MORC1: variants seen among roughly 807,000 people sequenced by gnomAD.
MORC1 encodes MORC family CW-type zinc finger 1, also known as MORC family CW-type zinc finger protein 1.
MORC1 carries 59 observed loss-of-function variants against 134.9 expected under a neutral mutation model. The ratio of observed to expected loss-of-function variants is 0.44; its 90% CI spans 0.35 to 0.54. MORC1 has a LOEUF of 0.54. Among genes scored for constraint, MORC1 ranks in the 20% least tolerant of loss-of-function variants. The probability of loss-of-function intolerance (pLI) is 0.00; values close to 1 mark genes in which losing one functional copy is unlikely to be tolerated. For synonymous variants in MORC1, 395 were observed against 391.7 expected, an observed-to-expected ratio of 1.01 and a Z score of -0.10; for missense variants, 947 against 1,134.5, an observed-to-expected ratio of 0.83 and a Z score of 2.37.
At chr3:109,054,998 T>C (rs1949923673) in intron 13 of MORC1, 116 bp from the exon 14 acceptor site, 4 of 939,472 alleles carry the variant, frequency 4.3e-6, no homozygotes, top group Non-Finnish European at 6.3e-6. Context: ...TCTGTTGATC[T>C]GGACCATGTC....
Position 109,032,610 on chromosome 3 carries a change from C to T in MORC1, c.1565+110G>A, listed in dbSNP as rs886683406. The T allele has an allele frequency of 5.6e-6, 4 of 718,456 alleles. No individual in the cohort carries two copies. In the East Asian group the frequency reaches 1.1e-4, roughly 20 times the overall value. The allele number at this position is 718,456 out of a possible 1,614,324, so 44.5% of individuals were successfully genotyped here. On this transcript the variant is annotated intron_variant, in intron 16 of 27. Coordinates refer to ENST00000232603, the MANE Select transcript of MORC1 (RefSeq NM_014429.4). ...GCATTAGAAAGAGTTTGAAGAGATACCAGATACTAAGCTAAAATCTATATT... is the reference window on the plus strand; with the variant it reads ...GCATTAGAAAGAGTTTGAAGAGATATCAGATACTAAGCTAAAATCTATATT...
At chr3:109,105,846 C>T (rs1334424604) in intron 3 of MORC1, among the ~76,000 whole-genome samples, 3 of 152,172 alleles carry the variant, frequency 2.0e-5, no homozygotes, top group African/African-American at 4.8e-5. Context: ...ACTTCTTTGT[C>T]TGTAAACTTT....
At chr3:109,046,833 TTTC>T (rs1175206973) in intron 14 of MORC1, among the ~76,000 whole-genome samples, 1 of 152,194 alleles carries the variant, frequency 6.6e-6, no homozygotes, top group Non-Finnish European at 1.5e-5. Flanking sequence ...GCTACCTATT[TTTC>T]TTGTTTTTGT....
intron 24 of MORC1, among the ~76,000 whole-genome samples, chr3:108,973,391 C>G (rs973807068): frequency 1.1e-4 from 16 of 152,120 alleles, no homozygotes; most frequent in Non-Finnish European, 2.2e-4. Context: ...GGTTCTAACT[C>G]ATATTTCAGT....
chr3:108,963,377 T>A, intron 27 of MORC1, 37 bp downstream of exon 27: 1 of 1,547,818 alleles, frequency 6.5e-7, no homozygotes, highest in Non-Finnish European at 8.9e-7. Flanking sequence ...TTCCATAGAG[T>A]CTACTCCTAC....
chr3:109,064,759 T>C (rs1202895425), intron 9 of MORC1, among the ~76,000 whole-genome samples: 1 of 152,172 alleles, frequency 6.6e-6, no homozygotes, highest in African/African-American at 2.4e-5. Flanking sequence ...TTAATTATTC[T>C]TTACAACATG....
rs202006312 is a variant in MORC1 at position 108,971,312 on chromosome 3, C to CA, written c.2550+17dup. The CA allele has an allele frequency of 5.7e-5, 92 of 1,604,906 alleles. No individual in the cohort carries two copies. The highest frequency in any genetic ancestry group is 7.0e-5 in the Non-Finnish European group (82 of 1,173,282). ...CTATTCTATCATTCCCTCACAGTTC[C>CA]AAAAAAAACCAGCTTACCTCACAAC... On this transcript the variant is annotated intron_variant, in intron 25 of 27. Transcript: ENST00000232603.
At position 109,053,632 on chromosome 3, in the gene MORC1, A is replaced by C. The variant is rs1949881983; in HGVS notation, c.1330+1096T>G. On this transcript the variant is annotated intron_variant, in intron 14 of 27. Transcript: ENST00000232603. ...GACACTGAGGAATATAAAAGAGGAG[A>C]GGAAGGGAGACAAGGGCTGAAAAAC... Among the ~76,000 whole-genome samples, 5 of 152,278 alleles carry C rather than the reference A, an allele frequency of 3.3e-5. No homozygotes were observed. The South Asian group carries it at 1.0e-3, about 32-fold the overall frequency.
rs1317746341 is a variant in MORC1 at position 109,100,524 on chromosome 3, C to T, written c.224-17G>A. The T allele has an allele frequency of 1.3e-6, 2 of 1,591,486 alleles. No individual in the cohort carries two copies. Among genetic ancestry groups the T allele is most frequent in the Admixed American group, 3.3e-5 (2 of 59,940 alleles). ...AAGCTTCCTCTGTAATTGACAGTGA[C>T]TTTTAAGGTGGTTAGGAAGACTCTT... On this transcript the variant is annotated splice_polypyrimidine_tract_variant and intron_variant, in intron 4 of 27. Transcript: ENST00000232603.
chr3:109,112,671 C>T (rs1271374922), intron 2 of MORC1, among the ~76,000 whole-genome samples: 1 of 152,204 alleles, frequency 6.6e-6, no homozygotes, highest in Non-Finnish European at 1.5e-5. Context: ...CTTGAGGTTG[C>T]TACTTCTCCT....
intron 23 of MORC1, among the ~76,000 whole-genome samples, chr3:108,982,291 A>G (rs887822814): frequency 1.3e-5 from 2 of 152,200 alleles, no homozygotes; most frequent in Non-Finnish European, 2.9e-5. Context: ...GAACGCTTTT[A>G]CACTGTTGGT....
chr3:109,035,250 T>C lies in MORC1; in HGVS notation c.1459+90A>G, dbSNP rs187676339. 5.3e-4 allele frequency: 645 copies of C among 1,221,842 alleles called. 3 individuals are homozygous for C. The African/African-American group carries it at 8.9e-3, about 17-fold the overall frequency. The allele number at this position is 1,221,842 out of a possible 1,614,324, so 75.7% of individuals were successfully genotyped here. On this transcript the variant is annotated intron_variant, in intron 15 of 27. Transcript: ENST00000232603. ...CCTGGAAAGCAAGATGTCTTACCTTTGTCTCCCTCATCCCTCATTTCTTAA... is the reference window on the plus strand; with the variant it reads ...CCTGGAAAGCAAGATGTCTTACCTTCGTCTCCCTCATCCCTCATTTCTTAA...
chr3:109,076,034 G>C (rs1950413458), intron 8 of MORC1, among the ~76,000 whole-genome samples: 1 of 152,090 alleles, frequency 6.6e-6, no homozygotes, highest in Non-Finnish European at 1.5e-5. Flanking sequence ...ACTATCATCA[G>C]AGTGAACAGG....
At chr3:109,085,176 G>C (rs1200028060) in intron 8 of MORC1, among the ~76,000 whole-genome samples, 1 of 151,448 alleles carries the variant, frequency 6.6e-6, no homozygotes, top group Admixed American at 6.6e-5. Flanking sequence ...GTATGTGTCT[G>C]TGTGTGTGTG....
chr3:108,976,539 ATC>A (rs1947566509), intron 24 of MORC1, among the ~76,000 whole-genome samples: 1 of 152,196 alleles, frequency 6.6e-6, no homozygotes, highest in South Asian at 2.1e-4. Context: ...AAAACAAGAA[ATC>A]TGTTTTCACT....
intron 7 of MORC1, among the ~76,000 whole-genome samples, chr3:109,093,928 G>A (rs1950778262): frequency 6.6e-6 from 1 of 152,072 alleles, no homozygotes; most frequent in Non-Finnish European, 1.5e-5. Context: ...AACAAAGAAG[G>A]GTTTTTAAAC....
intron 21 of MORC1, among the ~76,000 whole-genome samples, chr3:108,988,756 C>A (rs569573211): frequency 6.6e-6 from 1 of 152,138 alleles, no homozygotes; most frequent in Non-Finnish European, 1.5e-5. Context: ...ATGAAAGTAT[C>A]CAAGGTTAAT....
At chr3:109,103,949 A>G in intron 3 of MORC1, 32 bp from the exon 4 acceptor site, 1 of 1,574,380 alleles carries the variant, frequency 6.4e-7, no homozygotes, top group Non-Finnish European at 8.7e-7. Flanking sequence ...ACTAATAAAT[A>G]TCGGGCTTAA....
intron 20 of MORC1, among the ~76,000 whole-genome samples, chr3:109,002,186 G>C (rs554643585): frequency 6.6e-6 from 1 of 152,198 alleles, no homozygotes; most frequent in Non-Finnish European, 1.5e-5. Flanking sequence ...CCATGTACTG[G>C]TTATCAGTTC....
Sources: allele counts gnomAD v4.1 joint callset (sites outside exome capture counted in the v4.1 genomes callset), GRCh38; gene constraint gnomAD v4.1.1; transcripts MANE v1.5; gene names NCBI Gene and HGNC (gene_info 2026-07-23, HGNC 2026-07-21).